Variants in DCAF6 observed in about 807,000 individuals in gnomAD.
DCAF6 encodes DDB1 and CUL4 associated factor 6.
A neutral mutation model predicts 125.1 loss-of-function variants in DCAF6; 54 were observed. That is an observed-to-expected ratio of 0.43 (90% CI 0.35 to 0.54). DCAF6 has a LOEUF of 0.54. DCAF6 is among the 20% of genes least tolerant of loss of function. DCAF6 has a pLI of 0.01. For synonymous variants in DCAF6, 371 were observed against 390.4 expected (o/e 0.95, Z 0.58); for missense variants, 934 against 1,161.7 (o/e 0.80, Z 2.85).
intron 4 of DCAF6, among the ~76,000 whole-genome samples, chr1:167,986,913 T>C (rs969346965): frequency 2.0e-5 from 3 of 152,310 alleles, no homozygotes; most frequent in Admixed American, 2.0e-4. Flanking sequence ...TGTACTTCAT[T>C]AAAAAAGGTT....
At chr1:167,968,307 C>T (rs1676753906) in intron 3 of DCAF6, among the ~76,000 whole-genome samples, 1 of 152,110 alleles carries the variant, frequency 6.6e-6, no homozygotes, top group Admixed American at 6.5e-5. Flanking sequence ...TATGAACCGC[C>T]ACTAACCCTG....
At chr1:167,917,195 G>A in the DCAF6 span, 1 of 152,172 alleles carries the variant, frequency 6.6e-6, no homozygotes, top group Non-Finnish European at 1.5e-5. Flanking sequence ...TTGTAGCGTG[G>A]AGTAATGTAT....
At position 168,059,326 on chromosome 1, in the gene DCAF6, A is replaced by G. The variant is rs1376060906; in HGVS notation, c.2301-4295A>G. The stretch of plus-strand genomic sequence containing the variant: ...CACCTATGTCATATTACAAAGATTT[A>G]TATAAAACAGATTTGTTTCTAGGCT... On this transcript the variant is annotated intron_variant, in intron 17 of 21. Transcript: ENST00000367840. Among the ~76,000 whole-genome samples, 3 of 152,196 alleles carry G rather than the reference A, an allele frequency of 2.0e-5. No individual in the cohort carries two copies. In the East Asian group the frequency reaches 5.8e-4, roughly 29 times the overall value.
chr1:167,879,295 G>C, the DCAF6 span, among the ~76,000 whole-genome samples: 1 of 152,160 alleles, frequency 6.6e-6, no homozygotes, highest in African/African-American at 2.4e-5. Flanking sequence ...AGATTAATTA[G>C]TTAATACACG....
At chr1:167,985,727 CA>C (rs908594574) in intron 4 of DCAF6, among the ~76,000 whole-genome samples, 9 of 152,134 alleles carry the variant, frequency 5.9e-5, no homozygotes, top group African/African-American at 9.7e-5. Flanking sequence ...CCTTTTAAGA[CA>C]AAAGTTTTCC....
At chr1:168,053,000 A>G (rs1690147629) in intron 17 of DCAF6, among the ~76,000 whole-genome samples, 1 of 152,206 alleles carries the variant, frequency 6.6e-6, no homozygotes, top group Non-Finnish European at 1.5e-5. Flanking sequence ...GTGTCACTGA[A>G]TACATTCAGA....
chr1:168,013,871 G>A (rs913450417), intron 10 of DCAF6, among the ~76,000 whole-genome samples: 2 of 151,766 alleles, frequency 1.3e-5, no homozygotes, highest in African/African-American at 2.4e-5. Flanking sequence ...TCAGCCTCCC[G>A]AGGGGCCACA....
rs765338137 is a variant in DCAF6, at chr1:167,939,099, AT to A, written c.97+2092del. Among the ~76,000 whole-genome samples the A allele has an allele frequency of 2.0e-5, 3 of 152,312 alleles. No homozygotes were observed. The East Asian group carries it at 5.8e-4, about 29-fold the overall frequency. On this transcript the variant is annotated intron_variant, in intron 1 of 21. Coordinates refer to ENST00000367840, the MANE Select transcript of DCAF6 (RefSeq NM_001198956.2). ...TTTTTGAAAGTATCGAAACTTGAAA[AT>A]GTTTGCAAAGAACTAATTTATTGGC... is the stretch of plus-strand genomic sequence containing the variant.
At chr1:167,904,962 C>G in the DCAF6 span, 1 of 1,614,184 alleles carries the variant, frequency 6.2e-7, no homozygotes. Context: ...GTTGCTCATC[C>G]ACATTAAACA....
intron 1 of DCAF6, among the ~76,000 whole-genome samples, chr1:167,944,703 A>G (rs982403434): frequency 3.1e-4 from 47 of 152,174 alleles, no homozygotes; most frequent in African/African-American, 9.4e-4. Flanking sequence ...TCTGGATATT[A>G]GTCCCCTGTT....
intron 11 of DCAF6, among the ~76,000 whole-genome samples, chr1:168,016,247 G>A (rs1343201492): frequency 2.0e-5 from 3 of 152,106 alleles, no homozygotes; most frequent in Admixed American, 6.5e-5. Context: ...AATAATTAGT[G>A]AATTTAGAGC....
intron 3 of DCAF6, among the ~76,000 whole-genome samples, chr1:167,970,529 TC>T (rs1557908350): frequency 6.6e-6 from 1 of 152,088 alleles, no homozygotes; most frequent in Non-Finnish European, 1.5e-5. Context: ...ATGCCTGTAG[TC>T]CCAGTTACTC....
intron 1 of DCAF6, among the ~76,000 whole-genome samples, chr1:167,945,721 C>T (rs550605748): frequency 3.3e-5 from 5 of 151,056 alleles, no homozygotes; most frequent in African/African-American, 9.7e-5. Flanking sequence ...AGGATGGTCT[C>T]GATCTCTTGA....
At chr1:167,909,914 G>T in the DCAF6 span, among the ~76,000 whole-genome samples, 1 of 151,930 alleles carries the variant, frequency 6.6e-6, no homozygotes, top group Non-Finnish European at 1.5e-5. Context: ...TGAAGTCAGT[G>T]GCAAGACCAG....
At chr1:167,909,234 G>GTATTCCATCAGGTGATGGAATATATA in the DCAF6 span, among the ~76,000 whole-genome samples, 8 of 152,060 alleles carry the variant, frequency 5.3e-5, no homozygotes, top group Admixed American at 3.3e-4. Context: ...ATGCTATATA[G>GTATTCCATCAGGTGATGGAATATATA]TATTCCATCA....
intron 1 of DCAF6, among the ~76,000 whole-genome samples, chr1:167,946,980 C>G (rs367603056): frequency 6.6e-6 from 1 of 152,072 alleles, no homozygotes; most frequent in East Asian, 1.9e-4. Flanking sequence ...TGGTAGAATT[C>G]GGCTGTGAAG....
chr1:167,998,870 C>A (rs1404752432), intron 7 of DCAF6: 1 of 152,680 alleles, frequency 6.5e-6, no homozygotes, highest in Non-Finnish European at 1.5e-5. Flanking sequence ...TCAAAGTGAT[C>A]CACTAGGGTT....
At chr1:167,902,517 T>A in the DCAF6 span, among the ~76,000 whole-genome samples, 1 of 152,264 alleles carries the variant, frequency 6.6e-6, no homozygotes, top group East Asian at 1.9e-4. Flanking sequence ...TTACCAACTT[T>A]GTATTTTGTT....
In DCAF6 at chr1:168,066,419, C is replaced by A; in HGVS notation, c.2639C>A (p.Ser880Ter). Residue 880 changes from serine (S) to a stop codon, truncating the protein, a stop_gained, in exon 20 of 22, where the codon TCA (serine) becomes TAA (stop). Transcript: ENST00000367840. LOFTEE classifies it high-confidence loss of function. Reference protein sequence around the residue: ...SGIDYDIKIWSPLEESRIFNR... With the variant: ...SGIDYDIKIW ...ATAGATTATGACATAAAGATCTGGT[C>A]ACCATTAGAAGAGTCAAGGATTTTT... 1.2e-6 allele frequency: 2 copies of A among 1,609,666 alleles called. No homozygotes were observed. The highest frequency in any genetic ancestry group is 1.3e-5 in the African/African-American group (1 of 74,862).
Sources: gnomAD v4.1 joint callset for allele counts (sites outside exome capture counted in the v4.1 genomes callset) on GRCh38, gnomAD v4.1.1 for gene constraint, MANE v1.5 for transcripts, NCBI Gene and HGNC (gene_info 2026-07-23, HGNC 2026-07-21) for gene names.